DLG2: variants seen among roughly 807,000 people sequenced by gnomAD.
The protein encoded by DLG2 is discs large MAGUK scaffold protein 2.
In DLG2, 45 loss-of-function variants were observed where a neutral mutation model predicts 132.5. The observed-to-expected ratio is 0.34, with a 90% CI of 0.27 to 0.44. The LOEUF is 0.44. DLG2 is among the 20% of genes least tolerant of loss of function. The pLI is 1.00. For synonymous variants in DLG2, 424 were observed against 419.6 expected (o/e 1.01, Z -0.13); for missense variants, 1,045 against 1,196.9 (o/e 0.87, Z 1.87).
At chr11:84,127,506 CT>C (rs1397011976) in intron 9 of DLG2, among the ~76,000 whole-genome samples, 1 of 152,174 alleles carries the variant, frequency 6.6e-6, no homozygotes, top group Non-Finnish European at 1.5e-5. Context: ...GAGAAATGAT[CT>C]GTTCCATGTC....
At chr11:85,594,237 T>C (rs750517208) in intron 3 of DLG2, among the ~76,000 whole-genome samples, 1 of 152,202 alleles carries the variant, frequency 6.6e-6, no homozygotes, top group Non-Finnish European at 1.5e-5. Flanking sequence ...AATCCCAATA[T>C]GTAATACATC....
intron 3 of DLG2, among the ~76,000 whole-genome samples, chr11:85,346,083 C>T (rs2082821947): frequency 1.3e-5 from 2 of 151,828 alleles, no homozygotes; most frequent in South Asian, 4.2e-4. Flanking sequence ...CAGAGTAGGA[C>T]GTTCCTGAAA....
At chr11:84,205,184 A>C in intron 8 of DLG2, among the ~76,000 whole-genome samples, 1 of 152,230 alleles carries the variant, frequency 6.6e-6, no homozygotes, top group Non-Finnish European at 1.5e-5. Flanking sequence ...GATTCAGCAG[A>C]AAGACAAAGC....
chr11:84,459,827 C>T (rs909010025), intron 7 of DLG2, among the ~76,000 whole-genome samples: 15 of 150,546 alleles, frequency 1.0e-4, no homozygotes, highest in African/African-American at 3.6e-4. Flanking sequence ...AAAAATACAG[C>T]AATTTAACCT....
chr11:84,765,014 A>G (rs1320735365), intron 6 of DLG2, among the ~76,000 whole-genome samples: 1 of 152,254 alleles, frequency 6.6e-6, no homozygotes, highest in East Asian at 1.9e-4. Flanking sequence ...GTCCAATGGC[A>G]GAAAGTGATG....
At chr11:83,788,008 G>T (rs959966201) in intron 17 of DLG2, among the ~76,000 whole-genome samples, 21 of 152,162 alleles carry the variant, frequency 1.4e-4, no homozygotes, top group African/African-American at 4.8e-4. Context: ...GTAAGTATGG[G>T]TTTCTAACCT....
chr11:84,768,510 C>A (rs1396937989), intron 6 of DLG2, among the ~76,000 whole-genome samples: 1 of 151,962 alleles, frequency 6.6e-6, no homozygotes, highest in African/African-American at 2.4e-5. Flanking sequence ...GCCTGACTTG[C>A]CTACAGGAGT....
chr11:85,543,363 C>A (rs147850378), intron 3 of DLG2, among the ~76,000 whole-genome samples: 2,487 of 152,314 alleles, frequency 0.016, 34 homozygotes, highest in Middle Eastern at 0.034. Context: ...ACATGTGCCA[C>A]ATTTTCTTTA....
chr11:83,786,776 A>T lies in DLG2; in HGVS notation c.1739T>A (p.Leu580His), dbSNP rs772315517. The change falls in exon 18 of 28, where the codon CTC becomes CAC. Residue 580 changes from leucine to histidine, a missense_variant. Coordinates refer to ENST00000376104, the MANE Select transcript of DLG2 (RefSeq NM_001142699.3). ...TGCCTGCTCGTGGGATGCACCACGGAGGTCAATGCCATTCACCTGAAAGAG... is the reference window on the plus strand; with the variant it reads ...TGCCTGCTCGTGGGATGCACCACGGTGGTCAATGCCATTCACCTGAAAGAG... ...DQILSVNGID[L>H]RGASHEQAAA... 1 of 1,614,030 alleles carries T rather than the reference A, an allele frequency of 6.2e-7. No homozygotes were observed. Among genetic ancestry groups the T allele is most frequent in the Non-Finnish European group, 8.5e-7 (1 of 1,179,934 alleles).
At chr11:85,064,346 C>A (rs954538569) in intron 6 of DLG2, among the ~76,000 whole-genome samples, 3 of 151,732 alleles carry the variant, frequency 2.0e-5, no homozygotes, top group Non-Finnish European at 4.4e-5. Flanking sequence ...ATAAAATGCA[C>A]ATTTGCCTAT....
intron 6 of DLG2, among the ~76,000 whole-genome samples, chr11:84,852,097 A>G (rs1309715373): frequency 6.6e-6 from 1 of 152,028 alleles, no homozygotes; most frequent in Non-Finnish European, 1.5e-5. Context: ...TTTTGGATCA[A>G]TGGGTGAGCC....
intron 3 of DLG2, among the ~76,000 whole-genome samples, chr11:85,473,161 C>G (rs952347542): frequency 1.3e-5 from 2 of 152,238 alleles, no homozygotes; most frequent in Non-Finnish European, 2.9e-5. Context: ...GCCGGCACAC[C>G]TGGCTTGCCC....
chr11:84,736,699 T>C (rs1347921270), intron 6 of DLG2, among the ~76,000 whole-genome samples: 3 of 152,000 alleles, frequency 2.0e-5, no homozygotes, highest in East Asian at 1.9e-4. Context: ...CTGTTGTTAG[T>C]ACGTAGAAAT....
chr11:85,505,743 T>C (rs1399827007), intron 3 of DLG2, among the ~76,000 whole-genome samples: 8 of 152,316 alleles, frequency 5.3e-5, no homozygotes, highest in Admixed American at 4.6e-4. Context: ...TGAAATGAGT[T>C]AGGGAGGATT....
intron 7 of DLG2, among the ~76,000 whole-genome samples, chr11:84,395,004 T>C (rs539583105): frequency 6.6e-6 from 1 of 152,314 alleles, no homozygotes; most frequent in Admixed American, 6.5e-5. Flanking sequence ...AGTCCTCACC[T>C]AGCTCAATGT....
intron 6 of DLG2, among the ~76,000 whole-genome samples, chr11:84,691,446 T>C (rs2058029380): frequency 6.6e-6 from 1 of 151,810 alleles, no homozygotes; most frequent in African/African-American, 2.4e-5. Context: ...GAAAAATCAG[T>C]AGAAAAAAAT....
chr11:85,557,734 G>A (rs2077013651), intron 3 of DLG2, among the ~76,000 whole-genome samples: 1 of 151,792 alleles, frequency 6.6e-6, no homozygotes, highest in Non-Finnish European at 1.5e-5. Flanking sequence ...AAATAGTGCT[G>A]GCATAGCTGG....
intron 9 of DLG2, among the ~76,000 whole-genome samples, chr11:84,105,950 A>G (rs2092878258): frequency 6.6e-6 from 1 of 152,138 alleles, no homozygotes; most frequent in Admixed American, 6.6e-5. Context: ...ACAAAACTAT[A>G]TGTTGTTTTC....
At chr11:83,927,140 C>T (rs1412245685) in intron 15 of DLG2, among the ~76,000 whole-genome samples, 1 of 152,114 alleles carries the variant, frequency 6.6e-6, no homozygotes, top group Non-Finnish European at 1.5e-5. Context: ...AAACAGGTAA[C>T]AGTTTGCTTG....
Sources: gnomAD v4.1 joint callset for allele counts (sites outside exome capture counted in the v4.1 genomes callset) on GRCh38, gnomAD v4.1.1 for gene constraint, MANE v1.5 for transcripts, NCBI Gene and HGNC (gene_info 2026-07-23, HGNC 2026-07-21) for gene names.